APCDD1L: variants seen among roughly 807,000 people sequenced by gnomAD.
APCDD1L encodes the protein APC down-regulated 1 like.
APCDD1L carries 21 observed loss-of-function variants against 24.2 expected under a neutral mutation model. That is an observed-to-expected ratio of 0.87 (90% CI 0.61 to 1.25). The LOEUF is 1.25. Ranked by LOEUF, APCDD1L falls within the 50% of genes most tolerant of loss-of-function variation. The pLI is 0.00. For synonymous variants in APCDD1L, 321 were observed against 323.6 expected (o/e 0.99, Z 0.09); for missense variants, 704 against 711.7 (o/e 0.99, Z 0.12).
chr20:58,503,950 G>A (rs1282621275), intron 1 of APCDD1L, among the ~76,000 whole-genome samples: 1 of 152,208 alleles, frequency 6.6e-6, no homozygotes, highest in Non-Finnish European at 1.5e-5. Flanking sequence ...TGCCCTTAAA[G>A]TTCAAAGTCC....
intron 3 of APCDD1L, among the ~76,000 whole-genome samples, chr20:58,464,239 C>T (rs1485980839): frequency 6.6e-6 from 1 of 152,114 alleles, no homozygotes; most frequent in Non-Finnish European, 1.5e-5. Flanking sequence ...CTGTCCTTAC[C>T]CACCACAAAA....
In APCDD1L at chr20:58,460,741, A is replaced by G. The variant is rs1305168119; in HGVS notation, c.*49T>C. 1 of 1,499,814 alleles carries G rather than the reference A, an allele frequency of 6.7e-7. No homozygotes were observed. The highest frequency in any genetic ancestry group is 8.9e-7 in the Non-Finnish European group (1 of 1,123,300). 92.9% of individuals were successfully genotyped at this position (1,499,814 alleles called of 1,614,324 possible). A position where few individuals can be genotyped will look rare whatever the true frequency, so the allele number is the denominator to read the frequency against. On this transcript the variant is annotated 3_prime_UTR_variant, in exon 4 of 4. Coordinates refer to ENST00000371149, the MANE Select transcript of APCDD1L (RefSeq NM_153360.3). The surrounding 1 kb of genome is among the most constrained non-coding windows in gnomAD (Gnocchi z 4.2). The stretch of plus-strand genomic sequence containing the variant: ...CCTACAGCTGCCAGGAGGGAGTCTG[A>G]AGGGTTGAATGGGTGTCCAGAGCCG...
rs529811551 is a variant in APCDD1L at position 58,494,427 on chromosome 20, G to A, written c.49+20232C>T. On this transcript the variant is annotated intron_variant, in intron 1 of 3. Coordinates refer to ENST00000371149, the MANE Select transcript of APCDD1L (RefSeq NM_153360.3). This position sits in a 1 kb window ranked among gnomAD's most constrained non-coding sequence, Gnocchi z 4.8. ...GGCTCACTGCAGCCTCAAACTCCCC[G>A]GCTCAAGCCATCCTCTGGCCTCAGC... is the stretch of plus-strand genomic sequence containing the variant. Among the ~76,000 whole-genome samples, 6 of 152,026 alleles carry A rather than the reference G, an allele frequency of 3.9e-5. No homozygotes were observed. Among genetic ancestry groups the A allele is most frequent in the African/African-American group, 1.2e-4 (5 of 41,450 alleles).
In APCDD1L at chr20:58,514,936, T is replaced by G; in HGVS notation, c.-229A>C. On this transcript the variant is annotated 5_prime_UTR_variant, in exon 1 of 4. Coordinates refer to ENST00000371149, the MANE Select transcript of APCDD1L (RefSeq NM_153360.3). Reference sequence around the variant, plus strand: ...CATAGGTCCAACTTGCCAGAAGAGGTGGAGACAGCCCCCGGCGAGGCGCGC... The same window carrying G: ...CATAGGTCCAACTTGCCAGAAGAGGGGGAGACAGCCCCCGGCGAGGCGCGC... 3 of 371,748 alleles carry G rather than the reference T, an allele frequency of 8.1e-6. No individual in the cohort carries two copies. The highest frequency in any genetic ancestry group is 1.4e-5 in the Non-Finnish European group (3 of 210,162). 23.0% of individuals were successfully genotyped at this position (371,748 alleles called of 1,614,324 possible).
At chr20:58,469,431 C>A (rs116774188) in intron 2 of APCDD1L, among the ~76,000 whole-genome samples, 1,538 of 152,236 alleles carry the variant, frequency 0.01, 22 homozygotes, top group African/African-American at 0.035. Flanking sequence ...TGGGGCCTTT[C>A]CCACTCTTCT....
Position 58,511,557 on chromosome 20 carries a change from T to C in APCDD1L, c.49+3102A>G, listed in dbSNP as rs192009425. ...TTGCCTGGAGCTGGTTGTTTTGAAT[T>C]TTGAGATTACAGCCTTGGTCAGAAG... On this transcript the variant is annotated intron_variant, in intron 1 of 3. Coordinates refer to ENST00000371149, the MANE Select transcript of APCDD1L (RefSeq NM_153360.3). Among the ~76,000 whole-genome samples, 72 of 152,342 alleles carry C rather than the reference T, an allele frequency of 4.7e-4. No homozygotes were observed. The East Asian group carries it at 0.013, about 28-fold the overall frequency.
At chr20:58,483,225 GC>G (rs1289394555) in intron 1 of APCDD1L, among the ~76,000 whole-genome samples, 1 of 152,114 alleles carries the variant, frequency 6.6e-6, no homozygotes, top group Non-Finnish European at 1.5e-5. Context: ...TGATGGTGGC[GC>G]CGTGGGGAGG....
Position 58,459,356 on chromosome 20 carries a change from C to T in APCDD1L, c.*1434G>A, listed in dbSNP as rs1989552334. The T allele has an allele frequency of 6.9e-6, 1 of 144,054 alleles. No individual in the cohort carries two copies. The highest frequency in any genetic ancestry group is 2.2e-4 in the South Asian group (1 of 4,496). 8.9% of individuals were successfully genotyped at this position (144,054 alleles called of 1,614,324 possible). A position where few individuals can be genotyped will look rare whatever the true frequency, so the allele number is the denominator to read the frequency against. On this transcript the variant is annotated 3_prime_UTR_variant, in exon 4 of 4. Coordinates refer to ENST00000371149, the MANE Select transcript of APCDD1L (RefSeq NM_153360.3). ...CTACAGAGAATACTAACTTGGTGGGCTTTTTTTTTTTTTAAGAGGAAGGAT... is the reference window on the plus strand; with the variant it reads ...CTACAGAGAATACTAACTTGGTGGGTTTTTTTTTTTTTTAAGAGGAAGGAT...
intron 1 of APCDD1L, 119 bp downstream of exon 1, chr20:58,514,540 G>C: frequency 9.7e-7 from 1 of 1,031,856 alleles, no homozygotes; most frequent in Non-Finnish European, 1.3e-6. Context: ...GCGCAGCATA[G>C]CAGCCGCGTG....
At chr20:58,514,594 T>C in intron 1 of APCDD1L, 65 bp downstream of exon 1, 2 of 1,278,984 alleles carry the variant, frequency 1.6e-6, no homozygotes, top group Non-Finnish European at 2.0e-6. Context: ...TAGGGGACAT[T>C]AGACGGCGAG....
intron 1 of APCDD1L, among the ~76,000 whole-genome samples, chr20:58,480,434 C>T: frequency 6.6e-6 from 1 of 152,148 alleles, no homozygotes; most frequent in East Asian, 1.9e-4. Context: ...GCTACTGGCC[C>T]CCCAGTTCTC....
At chr20:58,495,609 C>T (rs1394224878) in intron 1 of APCDD1L, among the ~76,000 whole-genome samples, 2 of 152,194 alleles carry the variant, frequency 1.3e-5, no homozygotes, top group Non-Finnish European at 2.9e-5. Flanking sequence ...AACTCAGGCC[C>T]TGCCCCTTCT....
chr20:58,513,059 T>C (rs1276655751), intron 1 of APCDD1L, among the ~76,000 whole-genome samples: 1 of 152,242 alleles, frequency 6.6e-6, no homozygotes, highest in East Asian at 1.9e-4. Context: ...AGCTCCGGCC[T>C]GCCAAAGACA....
intron 1 of APCDD1L, among the ~76,000 whole-genome samples, chr20:58,507,909 T>C (rs1422987522): frequency 6.6e-6 from 1 of 152,216 alleles, no homozygotes; most frequent in Admixed American, 6.5e-5. Context: ...TTCTCCTTGC[T>C]CATAATTATA....
At chr20:58,498,119 C>T (rs560672681) in intron 1 of APCDD1L, among the ~76,000 whole-genome samples, 13 of 152,222 alleles carry the variant, frequency 8.5e-5, no homozygotes, top group South Asian at 4.2e-4. Context: ...CTAACTATGG[C>T]GTTCTTTGTC....
Position 58,461,106 on chromosome 20 carries a change from T to A in APCDD1L, c.1190A>T (p.Asn397Ile). 6.2e-7 allele frequency: 1 copy of A among 1,613,914 alleles called. No homozygotes were observed. Among genetic ancestry groups the A allele is most frequent in the East Asian group, 2.2e-5 (1 of 44,870 alleles). ...CCGGATGCCCAGCGGTAGGCAGCCG[T>A]TGGTGGCTGTGACATCCCGCTCAGT... Reference protein sequence around the residue: ...MGTERDVTATNGCLPLGIRLP... With the variant: ...MGTERDVTATIGCLPLGIRLP... The change falls in exon 4 of 4, where the codon AAC becomes ATC. Residue 397 changes from asparagine to isoleucine, a missense_variant. Transcript: ENST00000371149. The surrounding 1 kb of genome is among the most constrained non-coding windows in gnomAD (Gnocchi z 6.0).
At chr20:58,468,548 G>A (rs1471150269) in intron 2 of APCDD1L, among the ~76,000 whole-genome samples, 1 of 152,040 alleles carries the variant, frequency 6.6e-6, no homozygotes, top group African/African-American at 2.4e-5. Flanking sequence ...CTCTAACCAG[G>A]TACCCTCTTG....
chr20:58,514,603 A>AGC, intron 1 of APCDD1L, 56 bp downstream of exon 1: 1 of 1,291,318 alleles, frequency 7.7e-7, no homozygotes, highest in Non-Finnish European at 9.9e-7. Flanking sequence ...TTAGACGGCG[A>AGC]GCTCCCTCCC....
chr20:58,465,348 GGGA>G (rs1000811803), intron 3 of APCDD1L, among the ~76,000 whole-genome samples: 105 of 152,316 alleles, frequency 6.9e-4, no homozygotes, highest in African/African-American at 2.4e-3. Context: ...GTGGGGGAAG[GGGA>G]GGAAGGCAGG....
Sources: allele counts gnomAD v4.1 joint callset (sites outside exome capture counted in the v4.1 genomes callset), GRCh38; gene constraint gnomAD v4.1.1; non-coding constraint Gnocchi (gnomAD v3.1); transcripts MANE v1.5; gene names NCBI Gene and HGNC (gene_info 2026-07-23, HGNC 2026-07-21).